KIAA1217: variants seen among roughly 807,000 people sequenced by gnomAD.
The protein encoded by KIAA1217 is KIAA1217, also known as sickle tail protein homolog.
Under a neutral mutation model 163.9 loss-of-function variants are expected in KIAA1217, and 88 were observed. The observed-to-expected ratio is 0.54, with a 90% CI of 0.45 to 0.64. The LOEUF (loss-of-function observed/expected upper bound fraction) is 0.64, where lower values mean the gene tolerates loss of function less well. KIAA1217 is among the 30% of genes least tolerant of loss of function. The pLI, the probability that KIAA1217 is intolerant of heterozygous loss-of-function variation, is 0.00. For missense variants in KIAA1217, 2,372 were observed against 2,475.0 expected (o/e 0.96, Z 0.88); for synonymous variants, 903 against 923.1 (o/e 0.98, Z 0.39).
At chr10:23,881,629 C>T (rs1840953261) in intron 1 of KIAA1217, among the ~76,000 whole-genome samples, 1 of 151,950 alleles carries the variant, frequency 6.6e-6, no homozygotes, top group South Asian at 2.1e-4. Context: ...AGATGCTTGA[C>T]TTTGAAAAGA....
intron 1 of KIAA1217, among the ~76,000 whole-genome samples, chr10:23,876,151 TA>T (rs1249702374): frequency 2.7e-5 from 4 of 149,050 alleles, no homozygotes; most frequent in African/African-American, 9.8e-5. Context: ...TATGCAGCCA[TA>T]AAAAGAGCAA....
At chr10:23,969,032 TTTTG>T (rs995871642) in intron 1 of KIAA1217, among the ~76,000 whole-genome samples, 1 of 152,130 alleles carries the variant, frequency 6.6e-6, no homozygotes. Flanking sequence ...TCTATGTTTT[TTTTG>T]TTTGTTTGTT....
intron 1 of KIAA1217, among the ~76,000 whole-genome samples, chr10:23,766,587 C>CTTTCTTTTTTT (rs1834533315): frequency 7.5e-6 from 1 of 133,758 alleles, no homozygotes; most frequent in African/African-American, 3.0e-5. Context: ...TTCTTTCTTT[C>CTTTCTTTTTTT]TTTTTTCTTT....
chr10:24,536,937 C>T (rs764740941), intron 17 of KIAA1217, 44 bp downstream of exon 17: 2 of 1,608,232 alleles, frequency 1.2e-6, no homozygotes, highest in South Asian at 1.1e-5. Context: ...GGGAGTCCTT[C>T]CTTCCTTGCT....
intron 2 of KIAA1217, among the ~76,000 whole-genome samples, chr10:24,064,612 T>A (rs1288732817): frequency 6.6e-6 from 1 of 152,208 alleles, no homozygotes; most frequent in Non-Finnish European, 1.5e-5. Context: ...CTTTTTTTGT[T>A]GTGTCTCTGC....
intron 1 of KIAA1217, among the ~76,000 whole-genome samples, chr10:23,948,928 T>G (rs1431527693): frequency 6.6e-6 from 1 of 152,196 alleles, no homozygotes; most frequent in Non-Finnish European, 1.5e-5. Context: ...CTTCTGTAAC[T>G]TTTTTGAATG....
intron 3 of KIAA1217, among the ~76,000 whole-genome samples, chr10:24,399,534 G>A (rs1466616942): frequency 6.6e-6 from 1 of 152,158 alleles, no homozygotes; most frequent in Non-Finnish European, 1.5e-5. Context: ...ATGTCACTGA[G>A]TTATATTTTA....
chr10:23,815,686 A>G (rs1837283658), intron 1 of KIAA1217, among the ~76,000 whole-genome samples: 2 of 152,156 alleles, frequency 1.3e-5, no homozygotes, highest in African/African-American at 4.8e-5. Flanking sequence ...AATTTAAAAT[A>G]TTCTTAGATG....
At chr10:23,933,605 A>G (rs1458917978) in intron 1 of KIAA1217, among the ~76,000 whole-genome samples, 1 of 152,204 alleles carries the variant, frequency 6.6e-6, no homozygotes, top group South Asian at 2.1e-4. Context: ...GTGAGCAGGC[A>G]CCCTACAGAA....
intron 2 of KIAA1217, among the ~76,000 whole-genome samples, chr10:24,064,293 C>G (rs1175839666): frequency 6.6e-6 from 1 of 152,034 alleles, no homozygotes; most frequent in African/African-American, 2.4e-5. Flanking sequence ...ATAGATAGCT[C>G]TTATTATTTT....
At chr10:24,032,683 G>A (rs1848236281) in intron 2 of KIAA1217, among the ~76,000 whole-genome samples, 1 of 151,974 alleles carries the variant, frequency 6.6e-6, no homozygotes, top group South Asian at 2.1e-4. Flanking sequence ...AAAGCCTCAG[G>A]GATAAATCTG....
At chr10:23,758,634 C>G (rs1588734090) in intron 1 of KIAA1217, among the ~76,000 whole-genome samples, 1 of 142,262 alleles carries the variant, frequency 7.0e-6, no homozygotes, top group Admixed American at 7.0e-5. Flanking sequence ...CTTTCTCTCT[C>G]TCTCTCTCTC....
chr10:23,760,687 T>A (rs1222053922), intron 1 of KIAA1217, among the ~76,000 whole-genome samples: 1 of 152,220 alleles, frequency 6.6e-6, no homozygotes, highest in African/African-American at 2.4e-5. Context: ...ATGCCTGTAA[T>A]CTCAGCACTT....
chr10:24,272,528 A>G (rs1413984276), intron 2 of KIAA1217, among the ~76,000 whole-genome samples: 1 of 152,194 alleles, frequency 6.6e-6, no homozygotes, highest in African/African-American at 2.4e-5. Context: ...CCGCTCCATC[A>G]TTGTTGGGAA....
intron 2 of KIAA1217, among the ~76,000 whole-genome samples, chr10:24,136,668 C>A (rs1045110148): frequency 2.0e-5 from 3 of 152,108 alleles, no homozygotes; most frequent in African/African-American, 7.2e-5. Flanking sequence ...TATAGTCATG[C>A]AAAGCAACAG....
chr10:24,359,471 A>G (rs1330158459), intron 2 of KIAA1217, among the ~76,000 whole-genome samples: 2 of 152,226 alleles, frequency 1.3e-5, no homozygotes, highest in African/African-American at 4.8e-5. Flanking sequence ...TATTGGCTTT[A>G]GCATTTTTCT....
chr10:24,387,585 A>G (rs890732711), intron 3 of KIAA1217, among the ~76,000 whole-genome samples: 2 of 152,242 alleles, frequency 1.3e-5, no homozygotes, highest in Non-Finnish European at 2.9e-5. Context: ...AATAAAGGGT[A>G]TTCAATTAGG....
intron 2 of KIAA1217, among the ~76,000 whole-genome samples, chr10:24,263,794 G>A (rs1202005792): frequency 6.6e-6 from 1 of 152,078 alleles, no homozygotes; most frequent in African/African-American, 2.4e-5. Flanking sequence ...CATTGAAAAG[G>A]TTTGGGAGGA....
chr10:24,143,897 C>A (rs1473644474), intron 2 of KIAA1217, among the ~76,000 whole-genome samples: 1 of 151,928 alleles, frequency 6.6e-6, no homozygotes, highest in Non-Finnish European at 1.5e-5. Flanking sequence ...ACCTAGAGAT[C>A]CATCAGTTTT....
Sources: allele counts gnomAD v4.1 joint callset (sites outside exome capture counted in the v4.1 genomes callset), GRCh38; gene constraint gnomAD v4.1.1; transcripts MANE v1.5; gene names NCBI Gene and HGNC (gene_info 2026-07-23, HGNC 2026-07-21).